Variants in PATL1 observed in about 807,000 individuals in gnomAD.
PATL1 encodes the protein protein PAT1 homolog 1.
A neutral mutation model predicts 100.6 loss-of-function variants in PATL1; 32 were observed. That is an observed-to-expected ratio of 0.32 (90% CI 0.24 to 0.43). The LOEUF (loss-of-function observed/expected upper bound fraction) is 0.43. Ranked by LOEUF, PATL1 falls within the 20% of genes least tolerant of loss-of-function variation. The probability of loss-of-function intolerance (pLI) is 1.00; values close to 1 mark genes in which losing one functional copy is unlikely to be tolerated. For missense variants in PATL1, 747 were observed against 949.9 expected, an observed-to-expected ratio of 0.79 and a Z score of 2.81; for synonymous variants, 332 against 330.0, an observed-to-expected ratio of 1.01 and a Z score of -0.07.
chr11:59,660,294 T>G (rs1861610259), intron 2 of PATL1, among the ~76,000 whole-genome samples: 1 of 152,186 alleles, frequency 6.6e-6, no homozygotes, highest in Non-Finnish European at 1.5e-5. Context: ...GATACATTGG[T>G]GTACAAAAAG....
chr11:59,657,127 A>G (rs1861547302), intron 5 of PATL1: 1 of 985,134 alleles, frequency 1.0e-6, no homozygotes, highest in Admixed American at 6.1e-5. Flanking sequence ...GGTGGAGGAA[A>G]GTCTATGGAA....
Position 59,651,625 on chromosome 11 carries a change from A to C in PATL1, c.1443T>G (p.Ser481=). The change falls in exon 12 of 19, where the codon TCT becomes TCG. Residue 481 remains serine (S), a synonymous_variant. Coordinates refer to ENST00000300146, the MANE Select transcript of PATL1 (RefSeq NM_152716.3). ...HAYKPVQFEG[S]LGKLTVSSVN... ...CACTAGAAACGGTAAGCTTTCCCAA[A>C]GAGCCCTCAAATTGCACTGCAAAGA... is the stretch of plus-strand genomic sequence containing the variant. 1 of 1,611,430 alleles carries C rather than the reference A, an allele frequency of 6.2e-7. No individual in the cohort carries two copies. The highest frequency in any genetic ancestry group is 8.5e-7 in the Non-Finnish European group (1 of 1,178,768).
intron 2 of PATL1, among the ~76,000 whole-genome samples, chr11:59,666,573 G>T (rs1267664799): frequency 2.0e-5 from 3 of 152,044 alleles, no homozygotes; most frequent in Non-Finnish European, 2.9e-5. Context: ...CTAAACATTT[G>T]AATCCCTCAT....
intron 12 of PATL1, among the ~76,000 whole-genome samples, chr11:59,651,035 G>C (rs1861436842): frequency 6.6e-6 from 1 of 152,098 alleles, no homozygotes; most frequent in Non-Finnish European, 1.5e-5. Flanking sequence ...GGCAACCTTA[G>C]TAGAGGATAA....
chr11:59,649,741 T>TA (rs1179491881), intron 13 of PATL1, 131 bp from the exon 14 acceptor site: 1 of 937,252 alleles, frequency 1.1e-6, no homozygotes, highest in South Asian at 2.0e-5. Flanking sequence ...TTTTTTTTTT[T>TA]AATGTAGAAA....
In PATL1 at chr11:59,639,301, T is replaced by C. The variant is rs987704938; in HGVS notation, c.2132A>G (p.Asn711Ser). ...AACAGTCCACACTGACCACTGATTA[T>C]TTTGTGTTGATTCTGTAGCAGGGTC... ...SSDPATESTQ[N>S]NQWTEVMFMA... The change falls in exon 17 of 19, where the codon AAT (asparagine) becomes AGT (serine). Residue 711 changes from asparagine (N) to serine (S), a missense_variant. Transcript: ENST00000300146. The C allele has an allele frequency of 1.9e-6, 3 of 1,553,152 alleles. No individual in the cohort carries two copies. Among genetic ancestry groups the C allele is most frequent in the Admixed American group, 3.9e-5 (2 of 51,092 alleles).
At chr11:59,666,015 C>T (rs373652889) in intron 2 of PATL1, among the ~76,000 whole-genome samples, 46 of 151,752 alleles carry the variant, frequency 3.0e-4, no homozygotes, top group African/African-American at 9.2e-4. Context: ...AGGCTGGGCG[C>T]GGTGGCTCAG....
intron 2 of PATL1, among the ~76,000 whole-genome samples, chr11:59,662,699 G>A (rs1371234854): frequency 6.6e-6 from 1 of 152,146 alleles, no homozygotes; most frequent in Non-Finnish European, 1.5e-5. Context: ...TGAGGGATTT[G>A]TAAAAACATT....
At chr11:59,650,288 A>C (rs936196448) in intron 13 of PATL1, among the ~76,000 whole-genome samples, 4 of 152,250 alleles carry the variant, frequency 2.6e-5, no homozygotes. Flanking sequence ...TTGGTTCTAG[A>C]GTCCATACTT....
rs756694802 is a variant in PATL1 at position 59,649,449 on chromosome 11, G to A, written c.1733+13C>T. The A allele has an allele frequency of 2.5e-6, 4 of 1,612,164 alleles. No homozygotes were observed. The highest frequency in any genetic ancestry group is 2.5e-6 in the Non-Finnish European group (3 of 1,179,198). ...GTCCAGTTAATGTTTTCCTCAAACT[G>A]CACGATGCTTACCTCTCTTGTCCAG... On this transcript the variant is annotated intron_variant, in intron 14 of 18. Transcript: ENST00000300146.
At chr11:59,668,587 C>G (rs1342860430) in intron 1 of PATL1, among the ~76,000 whole-genome samples, 1 of 147,128 alleles carries the variant, frequency 6.8e-6, no homozygotes, top group East Asian at 2.0e-4. Flanking sequence ...CGTGGCTCCT[C>G]TAGGGGTGGG....
chr11:59,659,426 T>C lies in PATL1; in HGVS notation c.171A>G (p.Glu57=). 1 of 1,551,348 alleles carries C rather than the reference T, an allele frequency of 6.4e-7. No homozygotes were observed. The highest frequency in any genetic ancestry group is 8.7e-7 in the Non-Finnish European group (1 of 1,146,942). The part of the protein sequence containing the change: ...QEAHERLAEL[E]EKLPVAVNEQ... ...CATTAACTGCCACTGGTAGCTTTTC[T>C]TCCAATTCAGCCAGGCGCTCATGTG... The change falls in exon 3 of 19, where the codon GAA becomes GAG. Residue 57 remains glutamate, a synonymous_variant. Transcript: ENST00000300146.
chr11:59,651,891 C>T (rs1175748807), intron 11 of PATL1, among the ~76,000 whole-genome samples: 2 of 151,304 alleles, frequency 1.3e-5, no homozygotes, highest in Non-Finnish European at 2.9e-5. Context: ...ATAGCGAAAC[C>T]CCGTCTCTAC....
At chr11:59,650,886 G>T in intron 12 of PATL1, 73 bp from the exon 13 acceptor site, 1 of 1,038,822 alleles carries the variant, frequency 9.6e-7, no homozygotes, top group Non-Finnish European at 1.4e-6. Context: ...CGCATTTGTA[G>T]GTTCATTTGT....
At position 59,655,617 on chromosome 11, in the gene PATL1, G is replaced by T; in HGVS notation, c.937C>A (p.Pro313Thr). 1 of 1,595,834 alleles carries T rather than the reference G, an allele frequency of 6.3e-7. No homozygotes were observed. The highest frequency in any genetic ancestry group is 8.5e-7 in the Non-Finnish European group (1 of 1,171,032). Residue 313 changes from proline to threonine, a missense_variant, in exon 8 of 19, where the codon CCA (proline) becomes ACA (threonine). Pro to Thr is a conservative substitution (Grantham distance 38, BLOSUM62 -1). This residue lies in a region of PATL1 where 434 missense variants were observed against 596.1 expected (regional missense o/e 0.73). Coordinates refer to ENST00000300146, the MANE Select transcript of PATL1 (RefSeq NM_152716.3). Reference protein sequence around the residue: ...GRVGQMLPPAPGFRAFFSAPP... With the variant: ...GRVGQMLPPATGFRAFFSAPP... ...GCACTAAAGAAGGCACGGAAGCCTGGTGCTGGGGGAAGCATCTGCCCAACT... is the reference window on the plus strand; with the variant it reads ...GCACTAAAGAAGGCACGGAAGCCTGTTGCTGGGGGAAGCATCTGCCCAACT...
At chr11:59,667,093 A>AT (rs1861701708) in intron 1 of PATL1, 129 bp from the exon 2 acceptor site, 19 of 1,407,934 alleles carry the variant, frequency 1.3e-5, no homozygotes, top group East Asian at 2.7e-5. Context: ...TAAAGATGGC[A>AT]TTTTTTTTCT....
In PATL1 at chr11:59,639,334, T is replaced by C; in HGVS notation, c.2099A>G (p.Gln700Arg). ...TGATTCTGTAGCAGGGTCTGAACTCTGTAGGTCTTCACCACGGCTCAGGAG... is the reference window on the plus strand; with the variant it reads ...TGATTCTGTAGCAGGGTCTGAACTCCGTAGGTCTTCACCACGGCTCAGGAG... ...LILLSRGEDL[Q>R]SSDPATESTQ... The change falls in exon 17 of 19, where the codon CAG becomes CGG. Residue 700 changes from glutamine to arginine, a missense_variant. By Grantham distance (43) the Gln-to-Arg change is conservative. Transcript: ENST00000300146. The C allele has an allele frequency of 1.9e-6, 3 of 1,551,100 alleles. No individual in the cohort carries two copies. The highest frequency in any genetic ancestry group is 2.6e-6 in the Non-Finnish European group (3 of 1,147,104).
intron 1 of PATL1, among the ~76,000 whole-genome samples, chr11:59,668,475 TG>T (rs1224380399): frequency 2.1e-5 from 3 of 144,918 alleles, no homozygotes; most frequent in African/African-American, 7.7e-5. Flanking sequence ...TGGAGGTGGG[TG>T]GGGGGTGGTT....
Position 59,656,006 on chromosome 11 carries a change from G to T in PATL1, c.763C>A (p.Pro255Thr). Reference sequence around the variant, plus strand: ...CTCTGGAGGGGGCTGAGAACAGGAGGAACACTAGGAGGAAAAGGGTGACCC... The same window carrying T: ...CTCTGGAGGGGGCTGAGAACAGGAGTAACACTAGGAGGAAAAGGGTGACCC... ...LLGHPFPPSV[P>T]PVLSPLQRAQ... Residue 255 changes from proline (P) to threonine (T), a missense_variant, in exon 7 of 19, where the codon CCT becomes ACT. Around this residue, in one of 4 missense-constraint regions of PATL1, gnomAD observed 127 missense variants for 116.0 expected, o/e 1.09. Coordinates refer to ENST00000300146, the MANE Select transcript of PATL1 (RefSeq NM_152716.3). 6.3e-7 allele frequency: 1 copy of T among 1,575,550 alleles called. No homozygotes were observed.
Sources: gnomAD v4.1 joint callset for allele counts (sites outside exome capture counted in the v4.1 genomes callset) on GRCh38, gnomAD v4.1.1 for gene constraint, gnomAD v4.1.1 regional missense constraint, MANE v1.5 for transcripts, NCBI Gene and HGNC (gene_info 2026-07-23, HGNC 2026-07-21) for gene names.